Variants in NAALADL2 observed in about 807,000 individuals in gnomAD.
NAALADL2 encodes N-acetylated alpha-linked acidic dipeptidase like 2, also known as inactive N-acetylated-alpha-linked acidic dipeptidase-like protein 2.
In NAALADL2, 76 loss-of-function variants were observed where a neutral mutation model predicts 87.2. That is an observed-to-expected ratio of 0.87 (90% CI 0.72 to 1.05). NAALADL2 has a LOEUF of 1.05. Among genes scored for constraint, NAALADL2 ranks in the 50% least tolerant of loss-of-function variants. The pLI, the probability that NAALADL2 is intolerant of heterozygous loss-of-function variation, is 0.00. For synonymous variants in NAALADL2, 354 were observed against 331.0 expected, an observed-to-expected ratio of 1.07 and a Z score of -0.75; for missense variants, 1,089 against 945.8, an observed-to-expected ratio of 1.15 and a Z score of -1.99.
rs574380822 is a variant in NAALADL2, at chr3:174,626,828, A to T, written c.-115+76191A>T. On this transcript the variant is annotated intron_variant, in intron 2 of 3. Coordinates refer to the NAALADL2 transcript ENST00000434257. Reference sequence around the variant, plus strand: ...TTTCTAATGAACATTCAGGATTCTTAATACCAATTTTAGAATAATGGTCTT... The same window carrying T: ...TTTCTAATGAACATTCAGGATTCTTTATACCAATTTTAGAATAATGGTCTT... 2.0e-5 allele frequency among the ~76,000 whole-genome samples: 3 copies of T among 152,214 alleles called. No homozygotes were observed. In the South Asian group the frequency reaches 6.2e-4, roughly 32 times the overall value.
chr3:175,015,865 C>T (rs114038073), intron 1 of NAALADL2, among the ~76,000 whole-genome samples: 3,511 of 151,574 alleles, frequency 0.023, 55 homozygotes, highest in Non-Finnish European at 0.035. Flanking sequence ...TTTAAAACAC[C>T]ATATCAAAAT....
At chr3:175,647,012 T>A (rs537253650) in intron 11 of NAALADL2, among the ~76,000 whole-genome samples, 5 of 152,122 alleles carry the variant, frequency 3.3e-5, no homozygotes, top group African/African-American at 1.2e-4. Flanking sequence ...GAACTATATA[T>A]CTATATGAAC....
chr3:175,059,903 C>A, intron 1 of NAALADL2: 1 of 391,454 alleles, frequency 2.6e-6, no homozygotes, highest in South Asian at 2.2e-5. Flanking sequence ...GGCAATGGGC[C>A]AGAGACTGCT....
intron 4 of NAALADL2, among the ~76,000 whole-genome samples, chr3:175,282,159 A>G (rs1283888724): frequency 6.6e-6 from 1 of 152,086 alleles, no homozygotes; most frequent in Non-Finnish European, 1.5e-5. Context: ...GAATAAATAA[A>G]TGAAAAGACT....
chr3:174,964,342 T>C (rs556135190), intron 1 of NAALADL2, among the ~76,000 whole-genome samples: 3 of 152,108 alleles, frequency 2.0e-5, no homozygotes, highest in South Asian at 4.2e-4. Flanking sequence ...CTAACAGATA[T>C]CTACATGGGA....
intron 13 of NAALADL2, among the ~76,000 whole-genome samples, chr3:175,789,278 TTC>T (rs3041679): frequency 0.23 from 34,868 of 151,940 alleles, 4,194 homozygotes; most frequent in African/African-American, 0.3. Flanking sequence ...TACTGTAAAA[TTC>T]TTTCTAAATT....
chr3:175,302,525 T>G (rs1362539437), intron 4 of NAALADL2, among the ~76,000 whole-genome samples: 1 of 152,180 alleles, frequency 6.6e-6, no homozygotes, highest in African/African-American at 2.4e-5. Context: ...GTACATTCAT[T>G]CATCTCCACA....
At chr3:175,795,100 A>C (rs1753298455) in intron 13 of NAALADL2, among the ~76,000 whole-genome samples, 1 of 152,048 alleles carries the variant, frequency 6.6e-6, no homozygotes. Flanking sequence ...AATTACCCCC[A>C]AGGCTCCACT....
intron 13 of NAALADL2, among the ~76,000 whole-genome samples, chr3:175,759,700 G>A (rs1253026337): frequency 5.3e-5 from 8 of 152,176 alleles, no homozygotes; most frequent in Non-Finnish European, 1.5e-5. Flanking sequence ...GTGGGCATGA[G>A]GGAATGATAG....
intron 1 of NAALADL2, among the ~76,000 whole-genome samples, chr3:174,901,339 A>C (rs1448623911): frequency 6.6e-6 from 1 of 152,198 alleles, no homozygotes. Flanking sequence ...GCTTGTGAGA[A>C]GTACATGAGC....
At chr3:174,460,667 T>C (rs952284414) in intron 1 of NAALADL2, among the ~76,000 whole-genome samples, 2 of 152,056 alleles carry the variant, frequency 1.3e-5, no homozygotes, top group African/African-American at 4.8e-5. Context: ...GAGAACAGCT[T>C]AAGTATTATT....
At chr3:175,434,596 T>C (rs1261810928) in intron 5 of NAALADL2, among the ~76,000 whole-genome samples, 2 of 152,066 alleles carry the variant, frequency 1.3e-5, no homozygotes, top group East Asian at 1.9e-4. Flanking sequence ...TAATGTGTGC[T>C]TATGATCTGG....
chr3:174,538,596 C>G (rs777389922), intron 1 of NAALADL2, among the ~76,000 whole-genome samples: 1 of 152,034 alleles, frequency 6.6e-6, no homozygotes, highest in Non-Finnish European at 1.5e-5. Context: ...CTTTCCTGAA[C>G]GAGGAGAGAA....
chr3:174,837,204 A>G (rs112870256), intron 3 of NAALADL2, among the ~76,000 whole-genome samples: 2,985 of 152,310 alleles, frequency 0.02, 104 homozygotes, highest in African/African-American at 0.069. Context: ...TGAAAGAAAA[A>G]GCTGGTTCTT....
intron 2 of NAALADL2, among the ~76,000 whole-genome samples, chr3:175,194,355 T>G (rs980973072): frequency 2.6e-5 from 4 of 151,830 alleles, no homozygotes; most frequent in Non-Finnish European, 5.9e-5. Context: ...TTCAAGCTGT[T>G]GCTCACCTCA....
In NAALADL2 at chr3:175,323,192, C is replaced by A. The variant is rs1263185562; in HGVS notation, c.940-983C>A. 2.7e-5 allele frequency among the ~76,000 whole-genome samples: 4 copies of A among 150,254 alleles called. No individual in the cohort carries two copies. The East Asian group carries it at 7.9e-4, about 30-fold the overall frequency. ...GATGAGTTCATGTCCTTTGTAGGGA[C>A]ATGGATGAAGCTGGAAACCATCATT... On this transcript the variant is annotated intron_variant, in intron 4 of 13. Coordinates refer to ENST00000454872, the MANE Select transcript of NAALADL2 (RefSeq NM_207015.3).
At chr3:174,999,657 TA>T (rs1469456184) in intron 1 of NAALADL2, among the ~76,000 whole-genome samples, 3 of 152,224 alleles carry the variant, frequency 2.0e-5, no homozygotes, top group African/African-American at 7.2e-5. Flanking sequence ...AATACAGTTG[TA>T]AGTCCTGAAT....
intron 2 of NAALADL2, among the ~76,000 whole-genome samples, chr3:175,113,824 T>C (rs1399540404): frequency 2.0e-5 from 3 of 151,560 alleles, no homozygotes; most frequent in African/African-American, 4.8e-5. Flanking sequence ...ATTCATCTTT[T>C]CAAAATCGTA....
chr3:175,522,234 ATTC>A (rs1190213545), intron 9 of NAALADL2, among the ~76,000 whole-genome samples: 2 of 152,172 alleles, frequency 1.3e-5, no homozygotes, highest in Non-Finnish European at 2.9e-5. Flanking sequence ...TTGATTTACT[ATTC>A]TTCACTATAA....
Sources: gnomAD v4.1 joint callset for allele counts (sites outside exome capture counted in the v4.1 genomes callset) on GRCh38, gnomAD v4.1.1 for gene constraint, MANE v1.5 for transcripts, NCBI Gene and HGNC (gene_info 2026-07-23, HGNC 2026-07-21) for gene names.